The following MIPOL1 variants were observed in gnomAD, a reference collection of about 807,000 sequenced individuals.
MIPOL1 encodes the protein mirror-image polydactyly 1.
In MIPOL1, 57 loss-of-function variants were observed where a neutral mutation model predicts 60.9. That is an observed-to-expected ratio of 0.94 (90% CI 0.76 to 1.17). The LOEUF (loss-of-function observed/expected upper bound fraction) is 1.17. MIPOL1 is among the 50% of genes most tolerant of loss of function. MIPOL1 has a pLI of 0.00. For missense variants in MIPOL1, 551 were observed against 511.6 expected, an observed-to-expected ratio of 1.08 and a Z score of -0.74; for synonymous variants, 179 against 168.8, an observed-to-expected ratio of 1.06 and a Z score of -0.47.
At chr14:37,521,842 C>G (rs1333135434) in intron 12 of MIPOL1, among the ~76,000 whole-genome samples, 2 of 150,016 alleles carry the variant, frequency 1.3e-5, no homozygotes, top group Non-Finnish European at 3.0e-5. Flanking sequence ...GAGATCATGC[C>G]ACTGCATTCC....
chr14:37,284,127 T>C (rs1246121722), intron 6 of MIPOL1, among the ~76,000 whole-genome samples: 1 of 152,174 alleles, frequency 6.6e-6, no homozygotes, highest in African/African-American at 2.4e-5. Context: ...GATATAGTGC[T>C]GCAAAAATCT....
At chr14:37,409,654 C>T (rs1183370053) in intron 10 of MIPOL1, among the ~76,000 whole-genome samples, 2 of 152,076 alleles carry the variant, frequency 1.3e-5, no homozygotes, top group Non-Finnish European at 2.9e-5. Context: ...GGTGTGGTGG[C>T]ACACGCCTGT....
chr14:37,215,382 T>G (rs1481118768), intron 1 of MIPOL1, among the ~76,000 whole-genome samples: 1 of 152,110 alleles, frequency 6.6e-6, no homozygotes, highest in Admixed American at 6.5e-5. Flanking sequence ...TGTGTCTTTT[T>G]TTCTACAATC....
chr14:37,403,790 T>C (rs1244485046), intron 10 of MIPOL1, among the ~76,000 whole-genome samples: 1 of 152,226 alleles, frequency 6.6e-6, no homozygotes, highest in Non-Finnish European at 1.5e-5. Context: ...CTTTTCTATT[T>C]AATGCTGGAA....
At chr14:37,276,952 T>G (rs959901625) in intron 6 of MIPOL1, 1 of 151,204 alleles carries the variant, frequency 6.6e-6, no homozygotes, top group Non-Finnish European at 1.5e-5. Context: ...CAGAATGAAT[T>G]CTGACGAGTG....
At chr14:37,340,048 A>C (rs9989228) in intron 9 of MIPOL1, among the ~76,000 whole-genome samples, 147,735 of 152,238 alleles carry the variant, frequency 0.97, 71,747 homozygotes, top group East Asian at 1. Context: ...AAAATTTCAG[A>C]AGTTCCCTGT....
In MIPOL1 at chr14:37,229,947, AAGG is replaced by A. The variant is rs199539376; in HGVS notation, c.-198-17153_-198-17151del. On this transcript the variant is annotated intron_variant, in intron 1 of 12. Coordinates refer to ENST00000684589, the MANE Select transcript of MIPOL1 (RefSeq NM_001388067.1). ...GGAGTGATTGGGGAGATGTTGGTCAAAGGAGACAAAATTTCGGTTTGACAGGAG... is the reference window on the plus strand; with the variant it reads ...GGAGTGATTGGGGAGATGTTGGTCAAAGACAAAATTTCGGTTTGACAGGAG... 5.6e-3 allele frequency among the ~76,000 whole-genome samples: 856 copies of A among 152,242 alleles called. 7 individuals carry two copies. The highest frequency in any genetic ancestry group is 0.02 in the African/African-American group (834 of 41,552).
chr14:37,454,795 T>C (rs2094458946), intron 11 of MIPOL1, among the ~76,000 whole-genome samples: 1 of 152,242 alleles, frequency 6.6e-6, no homozygotes, highest in South Asian at 2.1e-4. Context: ...TTTACTTCTC[T>C]CGTTTTTCTC....
intron 12 of MIPOL1, among the ~76,000 whole-genome samples, chr14:37,512,279 T>G (rs1413903778): frequency 1.5e-5 from 1 of 65,592 alleles, no homozygotes; most frequent in Non-Finnish European, 2.8e-5. Flanking sequence ...CTGGTTTTCC[T>G]GCTGACGAGT....
At chr14:37,219,616 C>T (rs11156940) in intron 1 of MIPOL1, 12,798 of 152,238 alleles carry the variant, frequency 0.084, 735 homozygotes, top group South Asian at 0.21. Flanking sequence ...AGTCCCCCTG[C>T]GTTGGCCTCC....
chr14:37,299,983 C>T (rs1300127408), intron 7 of MIPOL1, among the ~76,000 whole-genome samples: 1 of 151,866 alleles, frequency 6.6e-6, no homozygotes, highest in Admixed American at 6.6e-5. Flanking sequence ...TTTGGGTTTG[C>T]CTCATGGTTA....
chr14:37,345,548 T>C (rs1460396502), intron 9 of MIPOL1, among the ~76,000 whole-genome samples: 15 of 152,354 alleles, frequency 9.8e-5, no homozygotes, highest in Admixed American at 9.8e-4. Flanking sequence ...CTGAGTTTTT[T>C]CTAAGTCTCT....
intron 9 of MIPOL1, among the ~76,000 whole-genome samples, chr14:37,342,973 G>T (rs1288861149): frequency 6.7e-6 from 1 of 149,592 alleles, no homozygotes; most frequent in Non-Finnish European, 1.5e-5. Flanking sequence ...TTTTAGGATT[G>T]TTTATATGTA....
intron 7 of MIPOL1, among the ~76,000 whole-genome samples, chr14:37,302,342 G>T (rs577415632): frequency 1.6e-5 from 2 of 122,742 alleles, no homozygotes; most frequent in South Asian, 2.7e-4. Context: ...ATTTTTATTT[G>T]CATTTCCCTG....
At chr14:37,534,869 AG>A (rs1234126456) in intron 12 of MIPOL1, among the ~76,000 whole-genome samples, 1 of 152,088 alleles carries the variant, frequency 6.6e-6, no homozygotes, top group Non-Finnish European at 1.5e-5. Flanking sequence ...TAACTTACAA[AG>A]CCTTAATTAA....
In MIPOL1 at chr14:37,447,829, C is replaced by T. The variant is rs571046323; in HGVS notation, c.1031+24880C>T. Among the ~76,000 whole-genome samples, 8 of 151,998 alleles carry T rather than the reference C, an allele frequency of 5.3e-5. No homozygotes were observed. The South Asian group carries it at 1.0e-3, about 20-fold the overall frequency. On this transcript the variant is annotated intron_variant, in intron 11 of 12. Transcript: ENST00000684589. ...GTTTTTTTTAATAATATAGATGTAA[C>T]GTGACTTTTATTTTGCTCAAAGAAC...
In MIPOL1 at chr14:37,404,106, A is replaced by G. The variant is rs1182592942; in HGVS notation, c.937-18749A>G. On this transcript the variant is annotated intron_variant, in intron 10 of 12. Transcript: ENST00000684589. ...TGGTATTTTATCAGTATGGTCCAAC[A>G]TGGTATTTCTTTTTTAACATCCTCA... 7.2e-5 allele frequency among the ~76,000 whole-genome samples: 11 copies of G among 152,198 alleles called. No homozygotes were observed. In the East Asian group the frequency reaches 2.1e-3, roughly 29 times the overall value.
At chr14:37,297,453 A>G (rs1290089127) in intron 7 of MIPOL1, among the ~76,000 whole-genome samples, 5 of 152,182 alleles carry the variant, frequency 3.3e-5, no homozygotes, top group Non-Finnish European at 1.5e-5. Flanking sequence ...AGTTCTGGCC[A>G]GGGCAATCAG....
intron 10 of MIPOL1, among the ~76,000 whole-genome samples, chr14:37,420,123 A>C (rs1445773372): frequency 6.6e-6 from 1 of 151,996 alleles, no homozygotes; most frequent in East Asian, 1.9e-4. Flanking sequence ...GGTGTGTATA[A>C]CAGTGTGTAT....
Sources: allele counts gnomAD v4.1 joint callset (sites outside exome capture counted in the v4.1 genomes callset), GRCh38; gene constraint gnomAD v4.1.1; transcripts MANE v1.5; gene names NCBI Gene and HGNC (gene_info 2026-07-23, HGNC 2026-07-21).